Variants in UBAC2 observed in about 807,000 individuals in gnomAD.
The protein encoded by UBAC2 is ubiquitin-associated domain-containing protein 2.
In UBAC2, 26 loss-of-function variants were observed where a neutral mutation model predicts 44.0. The observed-to-expected ratio is 0.59, with a 90% CI of 0.43 to 0.82. The LOEUF (loss-of-function observed/expected upper bound fraction) is 0.82, where lower values mean the gene tolerates loss of function less well. UBAC2 is among the 40% of genes least tolerant of loss of function. The probability of loss-of-function intolerance (pLI) is 0.00; values close to 1 mark genes in which losing one functional copy is unlikely to be tolerated. For missense variants in UBAC2, 329 were observed against 419.4 expected (o/e 0.78, Z 1.88); for synonymous variants, 155 against 154.3 (o/e 1.00, Z -0.04).
rs2043958641 is a variant in UBAC2 at position 99,281,882 on chromosome 13, C to T, written c.390-32215C>T. On this transcript the variant is annotated intron_variant, in intron 4 of 8. Transcript: ENST00000403766. ...CTGCAGGAATTTCAAACTGCGGTCT[C>T]AGTGGCCAGAGTGTCTTACCAGGGA... Among the ~76,000 whole-genome samples, 4 of 152,306 alleles carry T rather than the reference C, an allele frequency of 2.6e-5. No homozygotes were observed. The South Asian group carries it at 8.3e-4, about 32-fold the overall frequency.
chr13:99,354,216 T>C (rs9513603), intron 7 of UBAC2, among the ~76,000 whole-genome samples: 150,280 of 152,322 alleles, frequency 0.99, 74,151 homozygotes, highest in South Asian at 1. Context: ...GATAGGGGGT[T>C]GTACAGGTGA....
rs73565924 is a variant in UBAC2, at chr13:99,229,410, A to G, written c.32-9017A>G. On this transcript the variant is annotated intron_variant, in intron 1 of 8. Transcript: ENST00000403766. ...CATTGAAACAGAAAGCAACATGTTC[A>G]GGAGGTAGTGAGCTGTGCGGTTTGA... Among the ~76,000 whole-genome samples, 1,106 of 152,364 alleles carry G rather than the reference A, an allele frequency of 7.3e-3. 15 individuals are homozygous for G. The highest frequency in any genetic ancestry group is 0.025 in the African/African-American group (1,047 of 41,588).
chr13:99,206,618 G>A (rs960036089), intron 1 of UBAC2, among the ~76,000 whole-genome samples: 1 of 152,188 alleles, frequency 6.6e-6, no homozygotes, highest in South Asian at 2.1e-4. Flanking sequence ...GACTCTCGGA[G>A]ACCTGGCACG....
At chr13:99,351,556 A>G (rs185610173) in intron 7 of UBAC2, 3 of 456,742 alleles carry the variant, frequency 6.6e-6, no homozygotes, top group Middle Eastern at 3.3e-4. Context: ...TTACCTGGAA[A>G]TGTGAATTCT....
At chr13:99,216,855 A>G (rs573387292) in intron 1 of UBAC2, among the ~76,000 whole-genome samples, 1 of 120,452 alleles carries the variant, frequency 8.3e-6, no homozygotes, top group East Asian at 2.5e-4. Flanking sequence ...TTTGAGACGA[A>G]GTCTTGCCCT....
At chr13:99,286,368 T>C (rs565794870) in intron 4 of UBAC2, among the ~76,000 whole-genome samples, 1 of 152,204 alleles carries the variant, frequency 6.6e-6, no homozygotes, top group Non-Finnish European at 1.5e-5. Context: ...TCAAAGAACA[T>C]TGTGTGTGTG....
At chr13:99,212,073 CCT>C (rs1362980881) in intron 1 of UBAC2, among the ~76,000 whole-genome samples, 1 of 152,090 alleles carries the variant, frequency 6.6e-6, no homozygotes, top group Non-Finnish European at 1.5e-5. Context: ...ATTTGTGTAT[CCT>C]CTGTTTTTCT....
chr13:99,282,791 A>G (rs910871516), intron 4 of UBAC2, among the ~76,000 whole-genome samples: 1 of 152,234 alleles, frequency 6.6e-6, no homozygotes, highest in Non-Finnish European at 1.5e-5. Context: ...AAGAAAAAAA[A>G]TTCAAAATGC....
intron 4 of UBAC2, chr13:99,296,028 G>C: frequency 6.2e-7 from 1 of 1,614,112 alleles, no homozygotes; most frequent in Middle Eastern, 1.6e-4. Context: ...ATGAAGACGA[G>C]GCTGTAATGC....
intron 7 of UBAC2, among the ~76,000 whole-genome samples, chr13:99,360,059 A>G (rs2045244250): frequency 6.6e-6 from 1 of 152,224 alleles, no homozygotes; most frequent in African/African-American, 2.4e-5. Flanking sequence ...GGCTTTTCTA[A>G]AACATCGCAT....
At chr13:99,218,911 T>C (rs2043025661) in intron 1 of UBAC2, among the ~76,000 whole-genome samples, 2 of 152,164 alleles carry the variant, frequency 1.3e-5, no homozygotes, top group Non-Finnish European at 2.9e-5. Flanking sequence ...GAATAAATCA[T>C]AGTGGAAGTG....
chr13:99,340,388 G>A lies in UBAC2; in HGVS notation c.630G>A (p.Met210Ile). The A allele has an allele frequency of 6.2e-7, 1 of 1,614,202 alleles. No homozygotes were observed. The highest frequency in any genetic ancestry group is 8.5e-7 in the Non-Finnish European group (1 of 1,180,028). ...AGGTGCTCTGCATCCCCAGCTGGATGGCAAAATTCTTTTCTTGGACACTTG... is the reference window on the plus strand; with the variant it reads ...AGGTGCTCTGCATCCCCAGCTGGATAGCAAAATTCTTTTCTTGGACACTTG... ...VHQVLCIPSW[M>I]AKFFSWTLEP... The change falls in exon 7 of 9, where the codon ATG (methionine) becomes ATA (isoleucine). Residue 210 changes from methionine to isoleucine, a missense_variant. Transcript: ENST00000403766.
intron 6 of UBAC2, among the ~76,000 whole-genome samples, chr13:99,321,080 T>C (rs1287970258): frequency 1.3e-5 from 2 of 152,258 alleles, no homozygotes; most frequent in African/African-American, 4.8e-5. Context: ...TTGAAACCAG[T>C]AATTCACTTA....
At chr13:99,201,211 C>A (rs2042792528) in intron 1 of UBAC2, 1 of 1,425,378 alleles carries the variant, frequency 7.0e-7, no homozygotes, top group South Asian at 1.6e-5. Flanking sequence ...TCTCTTGGGG[C>A]CGCTGCAAGT....
chr13:99,281,212 C>A lies in UBAC2; in HGVS notation c.390-32885C>A, dbSNP rs540942368. Reference sequence around the variant, plus strand: ...TCAAAAAAAACAAAACAAAACAAAACAAAAAAAAACAACAGCAACAACAAA... The same window carrying A: ...TCAAAAAAAACAAAACAAAACAAAAAAAAAAAAAACAACAGCAACAACAAA... On this transcript the variant is annotated intron_variant, in intron 4 of 8. Coordinates refer to ENST00000403766, the MANE Select transcript of UBAC2 (RefSeq NM_001144072.2). Among the ~76,000 whole-genome samples, 519 of 146,658 alleles carry A rather than the reference C, an allele frequency of 3.5e-3. 4 individuals are homozygous for A. The highest frequency in any genetic ancestry group is 8.3e-3 in the African/African-American group (331 of 39,936).
intron 5 of UBAC2, among the ~76,000 whole-genome samples, chr13:99,315,241 C>G (rs770474653): frequency 4.6e-5 from 7 of 152,092 alleles, no homozygotes; most frequent in Non-Finnish European, 8.8e-5. Flanking sequence ...CCAAATAGCC[C>G]GTTTCTGCAT....
chr13:99,255,369 A>AGT, intron 4 of UBAC2: 1 of 1,614,046 alleles, frequency 6.2e-7, no homozygotes, highest in East Asian at 2.2e-5. Flanking sequence ...AGGTGGCGGG[A>AGT]GTGGAGTCTT....
chr13:99,333,640 C>T (rs1398263498), intron 6 of UBAC2, among the ~76,000 whole-genome samples: 1 of 152,324 alleles, frequency 6.6e-6, no homozygotes, highest in East Asian at 1.9e-4. Flanking sequence ...AACACAAAAG[C>T]CCTACTTCCC....
intron 7 of UBAC2, among the ~76,000 whole-genome samples, chr13:99,345,566 C>A (rs988103051): frequency 2.0e-5 from 3 of 152,004 alleles, no homozygotes; most frequent in Non-Finnish European, 4.4e-5. Flanking sequence ...GGGGACCCAC[C>A]CAGCCCCTGT....
Sources: allele counts gnomAD v4.1 joint callset (sites outside exome capture counted in the v4.1 genomes callset), GRCh38; gene constraint gnomAD v4.1.1; transcripts MANE v1.5; gene names NCBI Gene and HGNC (gene_info 2026-07-23, HGNC 2026-07-21).